Variants in DNAJC3 observed in about 807,000 individuals in gnomAD.
DNAJC3 encodes the protein dnaJ homolog subfamily C member 3.
A neutral mutation model predicts 68.6 loss-of-function variants in DNAJC3; 38 were observed. The observed-to-expected ratio is 0.55, with a 90% CI of 0.43 to 0.73. The LOEUF is 0.73. DNAJC3 is among the 30% of genes least tolerant of loss of function. The pLI is 0.00. For synonymous variants in DNAJC3, 203 were observed against 204.0 expected, an observed-to-expected ratio of 1.00 and a Z score of 0.04; for missense variants, 526 against 591.9, an observed-to-expected ratio of 0.89 and a Z score of 1.16.
chr13:95,686,297 CTTG>C (rs1366928753), intron 1 of DNAJC3, among the ~76,000 whole-genome samples: 2 of 152,134 alleles, frequency 1.3e-5, no homozygotes, highest in Non-Finnish European at 2.9e-5. Flanking sequence ...TTGTTTTCTT[CTTG>C]TTGAGTTGTT....
intron 9 of DNAJC3, among the ~76,000 whole-genome samples, chr13:95,775,119 C>T (rs1883259745): frequency 6.6e-6 from 1 of 152,112 alleles, no homozygotes; most frequent in African/African-American, 2.4e-5. Flanking sequence ...AGTGGTTATT[C>T]ACAGGTGTGA....
At chr13:95,705,647 T>C (rs974090848) in intron 1 of DNAJC3, among the ~76,000 whole-genome samples, 7 of 151,980 alleles carry the variant, frequency 4.6e-5, no homozygotes, top group Admixed American at 3.9e-4. Context: ...TCCTCCTGCC[T>C]CAGCCCCCCA....
chr13:95,728,437 C>A (rs973021236), intron 4 of DNAJC3, among the ~76,000 whole-genome samples: 2 of 152,146 alleles, frequency 1.3e-5, no homozygotes, highest in Non-Finnish European at 2.9e-5. Context: ...TGTTGAACAT[C>A]GTTTCCTGTG....
intron 1 of DNAJC3, among the ~76,000 whole-genome samples, chr13:95,707,155 A>G (rs1566475687): frequency 6.6e-6 from 1 of 152,160 alleles, no homozygotes; most frequent in African/African-American, 2.4e-5. Context: ...TGCGCAATTG[A>G]TGATAGGGTT....
In DNAJC3 at chr13:95,714,917, CT is replaced by C. The variant is rs371662058; in HGVS notation, c.193+5590del. On this transcript the variant is annotated intron_variant, in intron 2 of 11. Transcript: ENST00000602402. ...TTAAAGTCGGTTTAAATGACTGCTC[CT>C]TTTTTTTTTAGCTTTATCACTGCAA... 6.6e-3 allele frequency among the ~76,000 whole-genome samples: 982 copies of C among 147,836 alleles called. 9 individuals are homozygous for C. Among genetic ancestry groups the C allele is most frequent in the African/African-American group, 0.023 (915 of 40,462 alleles).
At chr13:95,721,919 T>C (rs1366570411) in intron 2 of DNAJC3, among the ~76,000 whole-genome samples, 1 of 152,226 alleles carries the variant, frequency 6.6e-6, no homozygotes, top group African/African-American at 2.4e-5. Context: ...GATTCTTCTA[T>C]TGTAATGTTT....
chr13:95,794,123 CT>C lies in DNAJC3; in HGVS notation c.*3099del, dbSNP rs1200038394. The C allele has an allele frequency of 1.3e-5, 2 of 152,098 alleles. No individual in the cohort carries two copies. Among genetic ancestry groups the C allele is most frequent in the African/African-American group, 4.8e-5 (2 of 41,396 alleles). 9.4% of individuals were successfully genotyped at this position (152,098 alleles called of 1,614,324 possible). A position where few individuals can be genotyped will look rare whatever the true frequency, so the allele number is the denominator to read the frequency against. On this transcript the variant is annotated 3_prime_UTR_variant, in exon 12 of 12. Transcript: ENST00000602402. ...TTTCTCTTTAGTCAGTATTAAAAATCTTTTTTAAAGTATTGGTATGAAAACA... is the reference window on the plus strand; with the variant it reads ...TTTCTCTTTAGTCAGTATTAAAAATCTTTTTAAAGTATTGGTATGAAAACA...
intron 6 of DNAJC3, 133 bp from the exon 7 acceptor site, chr13:95,760,546 G>A (rs1882791119): frequency 1.7e-6 from 2 of 1,168,316 alleles, no homozygotes; most frequent in Admixed American, 5.5e-5. Context: ...AATGTATATA[G>A]TAAATTATAA....
chr13:95,702,247 C>T (rs930958048), intron 1 of DNAJC3, among the ~76,000 whole-genome samples: 14 of 152,118 alleles, frequency 9.2e-5, no homozygotes, highest in Admixed American at 1.3e-4. Context: ...CTGCCTCTTC[C>T]CAGTCTGTCT....
At chr13:95,690,940 C>A (rs1195812563) in intron 1 of DNAJC3, among the ~76,000 whole-genome samples, 1 of 132,042 alleles carries the variant, frequency 7.6e-6, no homozygotes, top group African/African-American at 2.9e-5. Flanking sequence ...ACCTCCCTCC[C>A]GGACGGGGCG....
intron 2 of DNAJC3, among the ~76,000 whole-genome samples, chr13:95,711,126 TTTA>T (rs1880942876): frequency 6.6e-6 from 1 of 152,214 alleles, no homozygotes; most frequent in East Asian, 1.9e-4. Context: ...AACTCAGATT[TTTA>T]TTATTCAGAT....
At position 95,770,215 on chromosome 13, in the gene DNAJC3, A is replaced by G. The variant is rs150178308; in HGVS notation, c.1075+6262A>G. 1.1e-3 allele frequency among the ~76,000 whole-genome samples: 170 copies of G among 152,282 alleles called. 2 individuals are homozygous for G. Among genetic ancestry groups the G allele is most frequent in the African/African-American group, 4.0e-3 (166 of 41,558 alleles). On this transcript the variant is annotated intron_variant, in intron 9 of 11. Transcript: ENST00000602402. Reference sequence around the variant, plus strand: ...TTAATTGACAAGACTGTAATTTCCTATGACTAATGAGTGTGATCTCAAGTA... The same window carrying G: ...TTAATTGACAAGACTGTAATTTCCTGTGACTAATGAGTGTGATCTCAAGTA...
At chr13:95,691,397 C>T (rs1331794939) in intron 1 of DNAJC3, among the ~76,000 whole-genome samples, 4 of 150,630 alleles carry the variant, frequency 2.7e-5, no homozygotes, top group African/African-American at 7.3e-5. Context: ...CGGGCAGAGA[C>T]GCTCCTCACA....
intron 9 of DNAJC3, among the ~76,000 whole-genome samples, chr13:95,765,717 G>A (rs1454832201): frequency 5.9e-5 from 9 of 151,888 alleles, no homozygotes; most frequent in Non-Finnish European, 1.3e-4. Context: ...GATTACAGGT[G>A]TGCACCACCA....
At chr13:95,732,905 T>G (rs1174101613) in intron 4 of DNAJC3, among the ~76,000 whole-genome samples, 1 of 152,170 alleles carries the variant, frequency 6.6e-6, no homozygotes, top group Non-Finnish European at 1.5e-5. Flanking sequence ...TATTTCCATC[T>G]TAATTTCTTG....
chr13:95,786,969 C>G (rs533921429), intron 10 of DNAJC3, 38 bp from the exon 11 acceptor site: 2 of 1,585,134 alleles, frequency 1.3e-6, no homozygotes, highest in South Asian at 2.3e-5. Context: ...ATGTTAGACA[C>G]TTTTCCACTA....
chr13:95,699,622 G>T (rs780031624), intron 1 of DNAJC3, among the ~76,000 whole-genome samples: 2 of 152,164 alleles, frequency 1.3e-5, no homozygotes, highest in Non-Finnish European at 2.9e-5. Context: ...CTTTGGAAAT[G>T]GATCTTGTTT....
intron 9 of DNAJC3, among the ~76,000 whole-genome samples, chr13:95,766,135 A>G (rs1237421080): frequency 6.6e-6 from 1 of 152,196 alleles, no homozygotes; most frequent in African/African-American, 2.4e-5. Flanking sequence ...TATGCTTTCC[A>G]TATTCTTCTG....
intron 9 of DNAJC3, among the ~76,000 whole-genome samples, chr13:95,781,155 G>A (rs562814127): frequency 1.3e-5 from 2 of 152,194 alleles, no homozygotes; most frequent in Admixed American, 6.5e-5. Flanking sequence ...GGGTGGGACC[G>A]CTTTTTGTTT....
Sources: allele counts gnomAD v4.1 joint callset (sites outside exome capture counted in the v4.1 genomes callset), GRCh38; gene constraint gnomAD v4.1.1; transcripts MANE v1.5; gene names NCBI Gene and HGNC (gene_info 2026-07-23, HGNC 2026-07-21).